CMIP: variants seen among roughly 807,000 people sequenced by gnomAD.
CMIP encodes the protein C-Maf-inducing protein.
A neutral mutation model predicts 97.3 loss-of-function variants in CMIP; 13 were observed. That is an observed-to-expected ratio of 0.13 (90% CI 0.09 to 0.21). The LOEUF (loss-of-function observed/expected upper bound fraction) is 0.21. Ranked by LOEUF, CMIP falls within the 10% of genes least tolerant of loss-of-function variation. The pLI is 1.00. For missense variants in CMIP, 847 were observed against 1,024.9 expected (o/e 0.83, Z 2.37); for synonymous variants, 538 against 436.3 (o/e 1.23, Z -2.91).
At chr16:81,503,852 A>G (rs1162563347) in intron 1 of CMIP, among the ~76,000 whole-genome samples, 1 of 152,268 alleles carries the variant, frequency 6.6e-6, no homozygotes, top group African/African-American at 2.4e-5. Context: ...TGTCAGTGAC[A>G]GACGTCATCA....
At chr16:81,544,730 CAT>C (rs1000956148) in intron 1 of CMIP, among the ~76,000 whole-genome samples, 8 of 148,656 alleles carry the variant, frequency 5.4e-5, no homozygotes, top group Non-Finnish European at 1.0e-4. Flanking sequence ...TGTATATGTG[CAT>C]GTGTGTGTGT....
intron 1 of CMIP, among the ~76,000 whole-genome samples, chr16:81,602,543 A>G (rs1342225310): frequency 6.6e-6 from 1 of 152,204 alleles, no homozygotes; most frequent in Non-Finnish European, 1.5e-5. Context: ...CACAGTCAAT[A>G]CAGAGAATAT....
chr16:81,626,021 C>T (rs545728833), intron 3 of CMIP, among the ~76,000 whole-genome samples: 18 of 152,318 alleles, frequency 1.2e-4, no homozygotes, highest in African/African-American at 4.3e-4. Context: ...CTGGGAAAAT[C>T]CCAGCCCAGC....
intron 14 of CMIP, chr16:81,697,153 A>G (rs1000301039): frequency 1.1e-5 from 2 of 174,404 alleles, no homozygotes; most frequent in Non-Finnish European, 2.5e-5. Context: ...TGAGGTCACC[A>G]AACCAATAGC....
intron 3 of CMIP, among the ~76,000 whole-genome samples, chr16:81,647,431 G>A (rs1480414537): frequency 6.6e-6 from 1 of 152,142 alleles, no homozygotes; most frequent in South Asian, 2.1e-4. Context: ...CAGGGGGCTG[G>A]GTTTCACCGC....
intron 1 of CMIP, among the ~76,000 whole-genome samples, chr16:81,593,819 A>C (rs2091503832): frequency 6.6e-6 from 1 of 152,046 alleles, no homozygotes; most frequent in Admixed American, 6.5e-5. Flanking sequence ...CAGCATAATC[A>C]TAGTTACCTG....
At chr16:81,486,715 C>T (rs2089319791) in intron 1 of CMIP, among the ~76,000 whole-genome samples, 1 of 152,264 alleles carries the variant, frequency 6.6e-6, no homozygotes, top group South Asian at 2.1e-4. Flanking sequence ...AGGCTCTTAA[C>T]TCCCTAAGCG....
At chr16:81,573,073 G>T (rs190626122) in intron 1 of CMIP, among the ~76,000 whole-genome samples, 2 of 152,392 alleles carry the variant, frequency 1.3e-5, no homozygotes, top group African/African-American at 4.8e-5. Flanking sequence ...ACCAGGTGCA[G>T]TAGCTCATGC....
At chr16:81,501,103 C>T (rs1430382627) in intron 1 of CMIP, among the ~76,000 whole-genome samples, 1 of 152,240 alleles carries the variant, frequency 6.6e-6, no homozygotes, top group Non-Finnish European at 1.5e-5. Flanking sequence ...CTAAGACCTA[C>T]TGAGAATCTG....
chr16:81,643,659 G>T (rs2092331691), intron 3 of CMIP, among the ~76,000 whole-genome samples: 1 of 152,194 alleles, frequency 6.6e-6, no homozygotes, highest in African/African-American at 2.4e-5. Flanking sequence ...GGGTGTGGTG[G>T]TGGGCGCCTA....
At chr16:81,452,271 GACCTTGGGC>G (rs1277269361) in intron 1 of CMIP, among the ~76,000 whole-genome samples, 1 of 152,180 alleles carries the variant, frequency 6.6e-6, no homozygotes, top group Non-Finnish European at 1.5e-5. Flanking sequence ...CCCAGGTGGT[GACCTTGGGC>G]AGGTCCCCTA....
chr16:81,668,247 G>A (rs956752693), intron 7 of CMIP, among the ~76,000 whole-genome samples: 17 of 152,132 alleles, frequency 1.1e-4, no homozygotes, highest in African/African-American at 3.6e-4. Flanking sequence ...TTTATGGAGG[G>A]TCGGGGGCAG....
At chr16:81,533,591 G>A (rs2090283655) in intron 1 of CMIP, among the ~76,000 whole-genome samples, 1 of 152,154 alleles carries the variant, frequency 6.6e-6, no homozygotes, top group Non-Finnish European at 1.5e-5. Flanking sequence ...CAGTTCTCCT[G>A]TCTCAGCCTC....
At chr16:81,615,094 ATGAGGTGTGTATGGTATGTGTC>A (rs1487966850) in intron 2 of CMIP, among the ~76,000 whole-genome samples, 1 of 102,304 alleles carries the variant, frequency 9.8e-6, no homozygotes, top group Non-Finnish European at 2.0e-5. Context: ...CTTTGTGTGT[ATGAGGTGTGTATGGTATGTGTC>A]TGTGGTGTGT....
intron 1 of CMIP, among the ~76,000 whole-genome samples, chr16:81,565,670 C>CGGGGCAGGGGAGATTCAGA (rs2090967293): frequency 6.6e-6 from 1 of 152,116 alleles, no homozygotes; most frequent in African/African-American, 2.4e-5. Context: ...CTCATGGCAG[C>CGGGGCAGGGGAGATTCAGA]GGGGCAGGGG....
At chr16:81,545,454 A>T (rs1178342982) in intron 1 of CMIP, among the ~76,000 whole-genome samples, 1 of 152,138 alleles carries the variant, frequency 6.6e-6, no homozygotes, top group African/African-American at 2.4e-5. Context: ...AACAGTGACA[A>T]CATCAGTAAT....
At chr16:81,686,118 A>C (rs1043424719) in intron 10 of CMIP, among the ~76,000 whole-genome samples, 1 of 152,194 alleles carries the variant, frequency 6.6e-6, no homozygotes, top group Non-Finnish European at 1.5e-5. Flanking sequence ...GCATGGGCTG[A>C]CGCATGGGAG....
At chr16:81,702,597 G>GT (rs765764399) in intron 16 of CMIP, 25 bp from the exon 17 acceptor site, 1 of 1,610,604 alleles carries the variant, frequency 6.2e-7, no homozygotes, top group African/African-American at 1.3e-5. Context: ...AAGAATGGTT[G>GT]TAACCAGCCT....
rs962793751 is a variant in CMIP at position 81,710,237 on chromosome 16, C to T, written c.*438C>T. The stretch of plus-strand genomic sequence containing the variant: ...CGAGCTGAGCTGCGAACTCGCCCCC[C>T]GCCCTTGGGACAAGAAGACCCAGTC... On this transcript the variant is annotated 3_prime_UTR_variant, in exon 21 of 21. Coordinates refer to ENST00000537098, the MANE Select transcript of CMIP (RefSeq NM_198390.3). 6 of 209,876 alleles carry T rather than the reference C, an allele frequency of 2.9e-5. No individual in the cohort carries two copies. Among genetic ancestry groups the T allele is most frequent in the South Asian group, 7.8e-5 (1 of 12,856 alleles). The allele number at this position is 209,876 out of a possible 1,614,324, so 13.0% of individuals were successfully genotyped here. A position where few individuals can be genotyped will look rare whatever the true frequency, so the allele number is the denominator to read the frequency against.
Sources: allele counts gnomAD v4.1 joint callset (sites outside exome capture counted in the v4.1 genomes callset), GRCh38; gene constraint gnomAD v4.1.1; transcripts MANE v1.5; gene names NCBI Gene and HGNC (gene_info 2026-07-23, HGNC 2026-07-21).